DEK: variants seen among roughly 807,000 people sequenced by gnomAD.
DEK encodes DEK proto-oncogene.
DEK carries 28 observed loss-of-function variants against 46.8 expected under a neutral mutation model. The ratio of observed to expected loss-of-function variants is 0.60; its 90% confidence interval spans 0.44 to 0.82. DEK has a LOEUF of 0.82. Among genes scored for constraint, DEK ranks in the 40% least tolerant of loss-of-function variants. The pLI is 0.00. For synonymous variants in DEK, 160 were observed against 144.5 expected, an observed-to-expected ratio of 1.11 and a Z score of -0.77; for missense variants, 416 against 430.6, an observed-to-expected ratio of 0.97 and a Z score of 0.30.
chr6:18,262,525 A>G (rs1791924037), intron 2 of DEK, among the ~76,000 whole-genome samples: 1 of 152,214 alleles, frequency 6.6e-6, no homozygotes, highest in Admixed American at 6.5e-5. Context: ...GTCTAGAACA[A>G]AACATGGGAT....
chr6:18,240,734 T>A (rs1265173423), intron 7 of DEK, among the ~76,000 whole-genome samples: 2 of 152,122 alleles, frequency 1.3e-5, no homozygotes, highest in Admixed American at 6.5e-5. Context: ...GATGGGAGGA[T>A]CACTTGAGGC....
At chr6:18,241,051 C>CT (rs1229483794) in intron 7 of DEK, among the ~76,000 whole-genome samples, 1 of 152,116 alleles carries the variant, frequency 6.6e-6, no homozygotes, top group Non-Finnish European at 1.5e-5. Flanking sequence ...GGTAAAGTCT[C>CT]TTTTTTAGAT....
Position 18,249,873 on chromosome 6 carries a change from G to C in DEK, c.574-34C>G, listed in dbSNP as rs201872731. On this transcript the variant is annotated intron_variant, in intron 6 of 10. Transcript: ENST00000652689. ...AAATTTATAAAGATAACACCAATGA[G>C]GTATAATATTTCAATCAATTCTCTT... The C allele has an allele frequency of 2.1e-5, 33 of 1,536,894 alleles. No individual in the cohort carries two copies. The East Asian group carries it at 7.5e-4, about 35-fold the overall frequency.
intron 6 of DEK, among the ~76,000 whole-genome samples, 200 bp from the exon 7 acceptor site, chr6:18,250,039 C>T (rs1214269266): frequency 6.6e-6 from 1 of 152,176 alleles, no homozygotes; most frequent in Non-Finnish European, 1.5e-5. Flanking sequence ...GTTCTAAACA[C>T]CTAGCAAGAC....
intron 9 of DEK, among the ~76,000 whole-genome samples, chr6:18,233,177 T>C (rs918376577): frequency 2.6e-5 from 4 of 152,188 alleles, no homozygotes; most frequent in African/African-American, 9.7e-5. Flanking sequence ...GATCGCTTCT[T>C]TACACCTTAT....
In DEK at chr6:18,225,778, T is replaced by C. The variant is rs748771823; in HGVS notation, c.1117-48A>G. On this transcript the variant is annotated intron_variant, in intron 10 of 10. Transcript: ENST00000652689. ...TTTTGCCATAAATCATAAACCTTTA[T>C]CCCATTTTTTCCACATCTATTTTAC... The C allele has an allele frequency of 3.1e-6, 5 of 1,603,346 alleles. No homozygotes were observed. The South Asian group carries it at 4.4e-5, about 14-fold the overall frequency.
intron 9 of DEK, among the ~76,000 whole-genome samples, chr6:18,235,753 T>C (rs1002411596): frequency 6.6e-6 from 1 of 152,174 alleles, no homozygotes; most frequent in Admixed American, 6.5e-5. Context: ...CCTATCAAAG[T>C]GTTGGGATTA....
At chr6:18,228,795 TTTAACTGCAAGGTGGCAGCAAG>T (rs1790259413) in intron 9 of DEK, among the ~76,000 whole-genome samples, 1 of 152,202 alleles carries the variant, frequency 6.6e-6, no homozygotes, top group African/African-American at 2.4e-5. Context: ...CAGTGTAAGA[TTTAACTGCAAGGTGGCAGCAAG>T]GCTGGGGGAG....
Position 18,236,505 on chromosome 6 carries a change from ATTTC to A in DEK, c.990_993del (p.Lys330AsnfsTer13). ...TCTTCCAAGTTAGCACTGGCCAGTA[ATTTC>A]TTTATTGTTTCCTTTAACTCTTCAT... On this transcript the variant is annotated frameshift_variant, in exon 9 of 11. Coordinates refer to ENST00000652689, the MANE Select transcript of DEK (RefSeq NM_003472.4). LOFTEE classifies it high-confidence loss of function. 8 of 1,607,130 alleles carry A rather than the reference ATTTC, an allele frequency of 5.0e-6. No individual in the cohort carries two copies. Among genetic ancestry groups the A allele is most frequent in the Non-Finnish European group, 5.9e-6 (7 of 1,178,024 alleles).
At chr6:18,247,338 G>C (rs1791163832) in intron 7 of DEK, among the ~76,000 whole-genome samples, 1 of 152,142 alleles carries the variant, frequency 6.6e-6, no homozygotes. Flanking sequence ...AATCTGTCAA[G>C]TACTAGCAAA....
Position 18,233,925 on chromosome 6 carries a change from T to C in DEK, c.1047+2527A>G, listed in dbSNP as rs557334572. ...ATGTTTATTGCGGCACTATTCACAA[T>C]AGCAAAGACTTGGAACCAACCCAAA... On this transcript the variant is annotated intron_variant, in intron 9 of 10. Transcript: ENST00000652689. Among the ~76,000 whole-genome samples the C allele has an allele frequency of 4.7e-3, 715 of 152,192 alleles. 3 individuals carry two copies. The highest frequency in any genetic ancestry group is 0.014 in the South Asian group (68 of 4,816).
chr6:18,246,632 T>C (rs1791127484), intron 7 of DEK, among the ~76,000 whole-genome samples: 1 of 152,240 alleles, frequency 6.6e-6, no homozygotes, highest in Non-Finnish European at 1.5e-5. Flanking sequence ...CTTAGTCTTC[T>C]ACACATCTAA....
chr6:18,231,378 C>A (rs541320680), intron 9 of DEK, among the ~76,000 whole-genome samples: 1 of 152,234 alleles, frequency 6.6e-6, no homozygotes, highest in African/African-American at 2.4e-5. Context: ...CAGAGCAGAA[C>A]TGAAGGAGAC....
chr6:18,260,849 A>T (rs371324019), intron 2 of DEK, among the ~76,000 whole-genome samples: 8 of 152,082 alleles, frequency 5.3e-5, no homozygotes, highest in Admixed American at 3.9e-4. Flanking sequence ...AAAAATACAG[A>T]AAGTACCCGG....
At chr6:18,257,317 A>G (rs527850872) in intron 4 of DEK, among the ~76,000 whole-genome samples, 1 of 152,312 alleles carries the variant, frequency 6.6e-6, no homozygotes, top group Non-Finnish European at 1.5e-5. Context: ...ATCCAAAAAC[A>G]TGAATTTCTT....
At chr6:18,244,101 CTTG>C (rs1340104976) in intron 7 of DEK, among the ~76,000 whole-genome samples, 1 of 152,108 alleles carries the variant, frequency 6.6e-6, no homozygotes, top group Non-Finnish European at 1.5e-5. Context: ...TGGTTAACAT[CTTG>C]TTATTTAACC....
At chr6:18,236,725 ACTACT>A (rs1790666618) in intron 8 of DEK, 125 bp from the exon 9 acceptor site, 4 of 612,364 alleles carry the variant, frequency 6.5e-6, no homozygotes, top group Admixed American at 3.8e-5. Context: ...ATTATAAATC[ACTACT>A]CTACAGTTAC....
intron 6 of DEK, among the ~76,000 whole-genome samples, chr6:18,253,133 T>A (rs1791462741): frequency 6.6e-6 from 1 of 150,528 alleles, no homozygotes; most frequent in Admixed American, 6.6e-5. Flanking sequence ...ACAGTCTCGC[T>A]CTGTCGCCCA....
chr6:18,237,318 T>C (rs1790696999), intron 8 of DEK, 63 bp downstream of exon 8: 3 of 1,531,702 alleles, frequency 2.0e-6, no homozygotes, highest in Non-Finnish European at 1.7e-6. Flanking sequence ...TTAAATACTA[T>C]GTACAACATA....
Sources: allele counts gnomAD v4.1 joint callset (sites outside exome capture counted in the v4.1 genomes callset), GRCh38; gene constraint gnomAD v4.1.1; transcripts MANE v1.5; gene names NCBI Gene and HGNC (gene_info 2026-07-23, HGNC 2026-07-21).